The following RBFOX1 variants were observed in gnomAD, a reference collection of about 807,000 sequenced individuals.
The protein encoded by RBFOX1 is RNA binding fox-1 homolog 1, also known as RNA binding protein fox-1 homolog 1.
A neutral mutation model predicts 57.7 loss-of-function variants in RBFOX1; 8 were observed. The ratio of observed to expected loss-of-function variants is 0.14; its 90% CI spans 0.08 to 0.25. The LOEUF is 0.25. RBFOX1 is among the 10% of genes least tolerant of loss of function. The probability of loss-of-function intolerance (pLI) is 1.00; values close to 1 mark genes in which losing one functional copy is unlikely to be tolerated. For missense variants in RBFOX1, 611 were observed against 548.5 expected (o/e 1.11, Z -1.14); for synonymous variants, 326 against 222.4 (o/e 1.47, Z -4.15).
chr16:7,242,100 A>C (rs1178652306), intron 4 of RBFOX1, among the ~76,000 whole-genome samples: 1 of 152,154 alleles, frequency 6.6e-6, no homozygotes, highest in Non-Finnish European at 1.5e-5. Flanking sequence ...AGGAATTTCC[A>C]AATTTTCCTT....
intron 4 of RBFOX1, among the ~76,000 whole-genome samples, chr16:7,117,632 G>A (rs1160601652): frequency 3.3e-5 from 5 of 152,200 alleles, no homozygotes; most frequent in Admixed American, 6.5e-5. Context: ...GGAAGAATCA[G>A]GTTAGGTTTT....
chr16:7,294,872 T>C (rs1413924337), intron 4 of RBFOX1, among the ~76,000 whole-genome samples: 1 of 152,180 alleles, frequency 6.6e-6, no homozygotes, highest in East Asian at 1.9e-4. Flanking sequence ...TACTTTCTCA[T>C]TTTGTTCAAC....
At chr16:6,930,163 A>G (rs2076272975) in intron 3 of RBFOX1, among the ~76,000 whole-genome samples, 1 of 152,194 alleles carries the variant, frequency 6.6e-6, no homozygotes, top group Non-Finnish European at 1.5e-5. Flanking sequence ...GAGAAGAGAG[A>G]TATTATCCCA....
At chr16:6,194,385 C>G (rs1598266312) in intron 1 of RBFOX1, among the ~76,000 whole-genome samples, 1 of 152,244 alleles carries the variant, frequency 6.6e-6, no homozygotes, top group African/African-American at 2.4e-5. Context: ...TTGGTCATGC[C>G]TTTCCCCTGT....
At chr16:5,312,918 G>A (rs1455920198) in intron 1 of RBFOX1, among the ~76,000 whole-genome samples, 1 of 152,170 alleles carries the variant, frequency 6.6e-6, no homozygotes, top group African/African-American at 2.4e-5. Context: ...CCTCTCACAT[G>A]GTGCCTCTGT....
intron 2 of RBFOX1, among the ~76,000 whole-genome samples, chr16:6,461,635 G>T (rs1311583436): frequency 2.0e-5 from 3 of 152,132 alleles, no homozygotes; most frequent in Non-Finnish European, 1.5e-5. Context: ...AACTAAGAAT[G>T]GCTTATGTCT....
chr16:6,588,618 C>G (rs146847864), intron 2 of RBFOX1, among the ~76,000 whole-genome samples: 7 of 152,258 alleles, frequency 4.6e-5, no homozygotes, highest in African/African-American at 1.7e-4. Context: ...TGCCACTGCA[C>G]TCCAGTCTGG....
chr16:5,828,250 T>C (rs2056144252), intron 3 of RBFOX1, among the ~76,000 whole-genome samples: 1 of 152,108 alleles, frequency 6.6e-6, no homozygotes, highest in Admixed American at 6.6e-5. Flanking sequence ...AATCTACCCA[T>C]CCATGTGTGG....
At position 6,666,796 on chromosome 16, in the gene RBFOX1, A is replaced by C. The variant is rs189898490; in HGVS notation, c.-16+12146A>C. On this transcript the variant is annotated intron_variant, in intron 3 of 15. Coordinates refer to ENST00000550418, the MANE Select transcript of RBFOX1 (RefSeq NM_018723.4). ...CCACATAACAGGAAAAACCTTGGCC[A>C]CTGCTAAATGTCATCCTGTGATATA... Among the ~76,000 whole-genome samples the C allele has an allele frequency of 4.3e-3, 650 of 152,248 alleles. 2 individuals carry two copies. Among genetic ancestry groups the C allele is most frequent in the Non-Finnish European group, 7.1e-3 (480 of 68,016 alleles).
At chr16:5,665,741 A>G (rs2049822436) in intron 3 of RBFOX1, among the ~76,000 whole-genome samples, 2 of 152,168 alleles carry the variant, frequency 1.3e-5, no homozygotes, top group African/African-American at 4.8e-5. Flanking sequence ...GATCCTGGAA[A>G]ACTCAGCTGC....
At chr16:5,390,301 T>C (rs2066371058) in intron 1 of RBFOX1, among the ~76,000 whole-genome samples, 1 of 150,430 alleles carries the variant, frequency 6.6e-6, no homozygotes, top group Non-Finnish European at 1.5e-5. Context: ...CTTTTTTTTT[T>C]TTTTTTAAAG....
chr16:7,521,898 G>A (rs776766671), intron 5 of RBFOX1, among the ~76,000 whole-genome samples: 2 of 152,170 alleles, frequency 1.3e-5, no homozygotes, highest in Admixed American at 6.5e-5. Context: ...AAACCATCCT[G>A]AGTTGGCTTC....
chr16:6,832,301 C>T (rs1434280557), intron 3 of RBFOX1, among the ~76,000 whole-genome samples: 1 of 152,078 alleles, frequency 6.6e-6, no homozygotes, highest in Non-Finnish European at 1.5e-5. Flanking sequence ...ATGTCATTAC[C>T]AGAGAGTTGG....
rs79363569 is a variant in RBFOX1 at position 6,691,135 on chromosome 16, A to C, written c.-16+36485A>C. Among the ~76,000 whole-genome samples the C allele has an allele frequency of 6.1e-3, 929 of 152,290 alleles. 13 individuals are homozygous for C. Among genetic ancestry groups the C allele is most frequent in the African/African-American group, 0.021 (890 of 41,558 alleles). On this transcript the variant is annotated intron_variant, in intron 3 of 15. Coordinates refer to ENST00000550418, the MANE Select transcript of RBFOX1 (RefSeq NM_018723.4). ...GTAAAAGGGAATTACAGAGTCCTGG[A>C]AAGAAATCTCCCAACCATGTCTTTT...
At chr16:6,986,886 G>C (rs908093835) in intron 3 of RBFOX1, among the ~76,000 whole-genome samples, 1 of 152,122 alleles carries the variant, frequency 6.6e-6, no homozygotes, top group African/African-American at 2.4e-5. Flanking sequence ...AGAATCTCAA[G>C]TTGCAGAGGG....
At chr16:6,651,109 C>T (rs1259102290) in intron 2 of RBFOX1, among the ~76,000 whole-genome samples, 1 of 152,154 alleles carries the variant, frequency 6.6e-6, no homozygotes, top group Non-Finnish European at 1.5e-5. Context: ...ACCATATTAG[C>T]CAGGCTGATC....
intron 2 of RBFOX1, among the ~76,000 whole-genome samples, chr16:6,553,199 C>A (rs1348884366): frequency 6.6e-6 from 1 of 152,168 alleles, no homozygotes; most frequent in Non-Finnish European, 1.5e-5. Context: ...TGCAGCTCTT[C>A]TCACGCTATG....
chr16:6,229,735 G>C (rs1376930749), intron 1 of RBFOX1, among the ~76,000 whole-genome samples: 1 of 151,058 alleles, frequency 6.6e-6, no homozygotes, highest in African/African-American at 2.4e-5. Context: ...GATTTTCTTT[G>C]CTTGTTATAT....
intron 4 of RBFOX1, among the ~76,000 whole-genome samples, chr16:7,354,050 C>T (rs1195744103): frequency 2.0e-5 from 3 of 152,174 alleles, no homozygotes; most frequent in Non-Finnish European, 2.9e-5. Flanking sequence ...GGGCTCGCTG[C>T]AACCTCTACC....
Sources: allele counts gnomAD v4.1 joint callset (sites outside exome capture counted in the v4.1 genomes callset), GRCh38; gene constraint gnomAD v4.1.1; transcripts MANE v1.5; gene names NCBI Gene and HGNC (gene_info 2026-07-23, HGNC 2026-07-21).